Variants in WWOX observed in about 807,000 individuals in gnomAD.
WWOX encodes WW domain-containing oxidoreductase.
WWOX carries 69 observed loss-of-function variants against 46.2 expected under a neutral mutation model. The ratio of observed to expected loss-of-function variants is 1.49; its 90% confidence interval spans 1.23 to 1.82. The LOEUF is 1.82. Among genes scored for constraint, WWOX ranks in the 40% most tolerant of loss-of-function variants. The pLI is 0.00. For synonymous variants in WWOX, 359 were observed against 202.6 expected, an observed-to-expected ratio of 1.77 and a Z score of -6.56; for missense variants, 919 against 542.6, an observed-to-expected ratio of 1.69 and a Z score of -6.89.
At chr16:78,516,431 A>G (rs572361243) in intron 8 of WWOX, among the ~76,000 whole-genome samples, 19 of 152,310 alleles carry the variant, frequency 1.2e-4, no homozygotes, top group African/African-American at 4.3e-4. Flanking sequence ...TATTTATGGT[A>G]GCTAGATTTC....
chr16:78,308,149 G>A (rs1035569412), intron 5 of WWOX, among the ~76,000 whole-genome samples: 1 of 152,084 alleles, frequency 6.6e-6, no homozygotes, highest in Admixed American at 6.6e-5. Context: ...GTGCAGTGTG[G>A]GAGTCCTTCC....
At chr16:78,556,839 C>T (rs117222665) in intron 8 of WWOX, among the ~76,000 whole-genome samples, 1,596 of 152,186 alleles carry the variant, frequency 0.01, 20 homozygotes, top group African/African-American at 0.026. Flanking sequence ...GCACCTCAGC[C>T]TCCCAAGTAA....
intron 8 of WWOX, among the ~76,000 whole-genome samples, chr16:79,148,112 A>C (rs996261169): frequency 2.6e-5 from 4 of 152,144 alleles, no homozygotes; most frequent in African/African-American, 9.7e-5. Flanking sequence ...CCTTTCATCA[A>C]CTGAGCTTTT....
chr16:78,454,863 C>T (rs2083779390), intron 8 of WWOX, among the ~76,000 whole-genome samples: 2 of 152,178 alleles, frequency 1.3e-5, no homozygotes, highest in Non-Finnish European at 1.5e-5. Flanking sequence ...CTGTTGCTTT[C>T]ACCACCCACT....
intron 8 of WWOX, among the ~76,000 whole-genome samples, chr16:78,539,999 C>CTT (rs2043850523): frequency 1.2e-5 from 1 of 86,140 alleles, no homozygotes; most frequent in Admixed American, 1.1e-4. Context: ...CTCTCTCTTT[C>CTT]TCTCTCTCTC....
intron 8 of WWOX, among the ~76,000 whole-genome samples, chr16:78,884,081 C>T (rs1055776863): frequency 9.2e-5 from 14 of 151,898 alleles, no homozygotes; most frequent in Admixed American, 3.9e-4. Context: ...GAGTTCAAGA[C>T]CAGCTGGGCC....
chr16:78,422,612 C>T (rs1446328356), intron 6 of WWOX, among the ~76,000 whole-genome samples: 1 of 137,996 alleles, frequency 7.2e-6, no homozygotes, highest in Non-Finnish European at 1.6e-5. Flanking sequence ...TCCCAAAGTG[C>T]TGGAATTTCA....
At chr16:78,532,273 G>A (rs571670245) in intron 8 of WWOX, among the ~76,000 whole-genome samples, 2 of 147,952 alleles carry the variant, frequency 1.4e-5, no homozygotes, top group East Asian at 1.9e-4. Flanking sequence ...GAAGGAGTTG[G>A]GTGGTGGTGG....
chr16:78,320,364 G>A lies in WWOX; in HGVS notation c.517-66496G>A, dbSNP rs1396080942. Among the ~76,000 whole-genome samples, 4 of 152,184 alleles carry A rather than the reference G, an allele frequency of 2.6e-5. No individual in the cohort carries two copies. In the East Asian group the frequency reaches 7.7e-4, roughly 29 times the overall value. ...CTAAATTGGTTCAGATTCTGTATCT[G>A]GGGGTAGTTAGACTTCTGTGAACTC... On this transcript the variant is annotated intron_variant, in intron 5 of 8. Coordinates refer to ENST00000566780, the MANE Select transcript of WWOX (RefSeq NM_016373.4).
intron 8 of WWOX, among the ~76,000 whole-genome samples, chr16:79,143,169 G>C (rs1003103720): frequency 1.3e-5 from 2 of 152,154 alleles, no homozygotes; most frequent in African/African-American, 4.8e-5. Context: ...CTCATTCCAG[G>C]TAGCTGCAGA....
intron 8 of WWOX, among the ~76,000 whole-genome samples, chr16:78,801,271 A>G (rs2142653580): frequency 6.6e-6 from 1 of 152,246 alleles, no homozygotes. Flanking sequence ...GCTCTTTGGG[A>G]GGCCAACGCA....
At chr16:78,694,853 G>T (rs1244434726) in intron 8 of WWOX, among the ~76,000 whole-genome samples, 1 of 150,882 alleles carries the variant, frequency 6.6e-6, no homozygotes, top group Non-Finnish European at 1.5e-5. Flanking sequence ...ATTCTGCTAT[G>T]TATCTTTACA....
intron 6 of WWOX, among the ~76,000 whole-genome samples, chr16:78,410,340 G>C (rs1469851819): frequency 6.6e-6 from 1 of 152,180 alleles, no homozygotes; most frequent in East Asian, 1.9e-4. Context: ...CTTGATCACG[G>C]TCTGCAGCAT....
At chr16:78,444,173 C>T (rs536183180) in intron 8 of WWOX, among the ~76,000 whole-genome samples, 19 of 152,140 alleles carry the variant, frequency 1.2e-4, no homozygotes, top group African/African-American at 4.6e-4. Context: ...GCACATGTTC[C>T]CAGCTCCGTG....
intron 5 of WWOX, among the ~76,000 whole-genome samples, chr16:78,221,155 T>C (rs1457945920): frequency 3.9e-5 from 6 of 152,200 alleles, no homozygotes; most frequent in Non-Finnish European, 8.8e-5. Context: ...CACTCTTTAC[T>C]GTTGGAGCTT....
At chr16:78,510,026 C>T (rs1209051209) in intron 8 of WWOX, among the ~76,000 whole-genome samples, 1 of 151,986 alleles carries the variant, frequency 6.6e-6, no homozygotes. Flanking sequence ...TGTGCCACTG[C>T]TCTCTGGCCT....
intron 5 of WWOX, among the ~76,000 whole-genome samples, chr16:78,187,486 C>A (rs749788019): frequency 1.3e-5 from 2 of 152,112 alleles, no homozygotes; most frequent in Non-Finnish European, 2.9e-5. Context: ...ACCCGTAGTC[C>A]CACCTACTTG....
intron 8 of WWOX, among the ~76,000 whole-genome samples, chr16:78,802,915 G>GAAAAAAAACAAAAAAAAAAAAAAA (rs2050928036): frequency 9.6e-5 from 1 of 10,442 alleles, no homozygotes; most frequent in Non-Finnish European, 1.9e-4. Flanking sequence ...GACTTCATCT[G>GAAAAAAAACAAAAAAAAAAAAAAA]AAAAAAAAAA....
intron 5 of WWOX, among the ~76,000 whole-genome samples, chr16:78,362,564 G>A (rs753190562): frequency 2.0e-5 from 3 of 151,896 alleles, no homozygotes; most frequent in African/African-American, 7.3e-5. Context: ...AGCTGAGATG[G>A]CACCACTGCA....
Sources: allele counts gnomAD v4.1 joint callset (sites outside exome capture counted in the v4.1 genomes callset), GRCh38; gene constraint gnomAD v4.1.1; transcripts MANE v1.5; gene names NCBI Gene and HGNC (gene_info 2026-07-23, HGNC 2026-07-21).